Variants in SALL2 observed in about 807,000 individuals in gnomAD.
The protein encoded by SALL2 is spalt like transcription factor 2.
SALL2 carries 32 observed loss-of-function variants against 58.5 expected under a neutral mutation model. The ratio of observed to expected loss-of-function variants is 0.55; its 90% confidence interval spans 0.41 to 0.74. SALL2 has a LOEUF of 0.74. SALL2 is among the 30% of genes least tolerant of loss of function. The probability of loss-of-function intolerance (pLI) is 0.00; values close to 1 mark genes in which losing one functional copy is unlikely to be tolerated. For synonymous variants in SALL2, 516 were observed against 513.6 expected (o/e 1.00, Z -0.06); for missense variants, 1,201 against 1,268.9 (o/e 0.95, Z 0.81).
chr14:21,535,407 G>A (rs1318198867), intron 1 of SALL2, among the ~76,000 whole-genome samples: 1 of 151,902 alleles, frequency 6.6e-6, no homozygotes, highest in Non-Finnish European at 1.5e-5. Flanking sequence ...GCTGACGTTT[G>A]CCAAGAGGTT....
chr14:21,526,237 C>A lies in SALL2; in HGVS notation c.-110G>T. ...CAGCCTCTGCACCCAGCGGCCCAGA[C>A]TGCGGAGATGGAGATCGGCAGCGGC... On this transcript the variant is annotated 5_prime_UTR_variant, in exon 1 of 2. Transcript: ENST00000537235. The A allele has an allele frequency of 2.0e-6, 3 of 1,469,506 alleles. No individual in the cohort carries two copies. The South Asian group carries it at 4.0e-5, about 19-fold the overall frequency. 91.0% of individuals were successfully genotyped at this position (1,469,506 alleles called of 1,614,324 possible). A position where few individuals can be genotyped will look rare whatever the true frequency, so the allele number is the denominator to read the frequency against.
chr14:21,536,880 C>A (rs1204679713), intron 1 of SALL2: 4 of 1,614,166 alleles, frequency 2.5e-6, no homozygotes, highest in Non-Finnish European at 3.4e-6. Context: ...CTTCGCAGTC[C>A]GAGATTAACT....
Position 21,523,501 on chromosome 14 carries a change from A to G in SALL2, c.2221T>C (p.Ser741Pro). ...TGCTGGGGGAAACTCCGTGCCCCGG[A>G]GACTGTAGATTGCTCGGAGCCATTC... ...QENGSEQSTV[S>P]GARSFPQQQS... is the part of the protein sequence containing the mutation. The change falls in exon 2 of 2, where the codon TCC becomes CCC. Residue 741 changes from serine to proline, a missense_variant. Ser to Pro is a moderately conservative substitution (Grantham distance 74, BLOSUM62 -1). This residue lies in a region of SALL2 where 675 missense variants were observed against 683.8 expected (regional missense o/e 0.99). Coordinates refer to ENST00000537235, the MANE Select transcript of SALL2 (RefSeq NM_001364564.1). The surrounding 1 kb of genome is among the most constrained non-coding windows in gnomAD (Gnocchi z 4.4). 6.2e-7 allele frequency: 1 copy of G among 1,614,100 alleles called. No individual in the cohort carries two copies. The highest frequency in any genetic ancestry group is 8.5e-7 in the Non-Finnish European group (1 of 1,180,038).
At chr14:21,535,735 A>C (rs1036054693) in intron 1 of SALL2, among the ~76,000 whole-genome samples, 24 of 152,168 alleles carry the variant, frequency 1.6e-4, no homozygotes, top group African/African-American at 5.6e-4. Flanking sequence ...CCTATACTAT[A>C]CTGTTGGGTG....
chr14:21,524,908 A>C lies in SALL2; in HGVS notation c.814T>G (p.Phe272Val), dbSNP rs1226198383. Reference sequence around the variant, plus strand: ...CCCAGTGGGTGGTAAAGGTGGAAGAAGGCCTGCTTGGGCGTTTCTGCCCCT... The same window carrying C: ...CCCAGTGGGTGGTAAAGGTGGAAGACGGCCTGCTTGGGCGTTTCTGCCCCT... ...SSGAETPKQAFFHLYHPLGSQ... is the reference protein window; with the variant it reads ...SSGAETPKQAVFHLYHPLGSQ... The change falls in exon 2 of 2, where the codon TTC (phenylalanine) becomes GTC (valine). Residue 272 changes from phenylalanine (F) to valine (V), a missense_variant. Phe to Val is a conservative substitution (Grantham distance 50). Coordinates refer to ENST00000537235, the MANE Select transcript of SALL2 (RefSeq NM_001364564.1). The C allele has an allele frequency of 1.2e-6, 2 of 1,614,198 alleles. No homozygotes were observed. The highest frequency in any genetic ancestry group is 2.2e-5 in the East Asian group (1 of 44,880).
chr14:21,521,708 T>A lies in SALL2; in HGVS notation c.*996A>T. On this transcript the variant is annotated 3_prime_UTR_variant, in exon 2 of 2. Transcript: ENST00000537235. ...GTTCATCAACCATGCTGACCAAAAA[T>A]GCTCCTTAAAGATACGAACTTCACA... is the stretch of plus-strand genomic sequence containing the variant. 1 of 317,688 alleles carries A rather than the reference T, an allele frequency of 3.1e-6. No homozygotes were observed. The highest frequency in any genetic ancestry group is 5.9e-6 in the Non-Finnish European group (1 of 169,084). The allele number at this position is 317,688 out of a possible 1,614,324, so 19.7% of individuals were successfully genotyped here. A position where few individuals can be genotyped will look rare whatever the true frequency, so the allele number is the denominator to read the frequency against.
At position 21,526,073 on chromosome 14, in the gene SALL2, C is replaced by T; in HGVS notation, c.55G>A (p.Ala19Thr). The change falls in exon 1 of 2, where the codon GCA becomes ACA. Residue 19 changes from alanine to threonine, a missense_variant. Physicochemically the swap from Ala to Thr is moderately conservative, Grantham distance 58. This residue lies in a region of SALL2 where 467 missense variants were observed against 468.9 expected (regional missense o/e 1.00). Coordinates refer to ENST00000537235, the MANE Select transcript of SALL2 (RefSeq NM_001364564.1). ...GACCCTACCGCACCTCCGAGCTCTG[C>T]CGGCTCCCCGCAGGGCACCCCGAGA... Reference protein sequence around the residue: ...SRLGVPCGEPAELGGDASEED... With the variant: ...SRLGVPCGEPTELGGDASEED... The T allele has an allele frequency of 2.0e-6, 3 of 1,536,012 alleles. No homozygotes were observed. Among genetic ancestry groups the T allele is most frequent in the Non-Finnish European group, 2.6e-6 (3 of 1,146,800 alleles).
In SALL2 at chr14:21,524,339, C is replaced by G; in HGVS notation, c.1383G>C (p.Glu461Asp). 1.2e-6 allele frequency: 2 copies of G among 1,614,000 alleles called. No individual in the cohort carries two copies. Among genetic ancestry groups the G allele is most frequent in the South Asian group, 2.2e-5 (2 of 91,076 alleles). ...GMSVPPEKAEEEAATPGGGVE... is the reference protein window; with the variant it reads ...GMSVPPEKAEDEAATPGGGVE... Reference sequence around the variant, plus strand: ...CCCCTCCACCTGGAGTGGCTGCCTCCTCCTCGGCCTTCTCTGGTGGCACGG... The same window carrying G: ...CCCCTCCACCTGGAGTGGCTGCCTCGTCCTCGGCCTTCTCTGGTGGCACGG... Residue 461 changes from glutamate to aspartate, a missense_variant, in exon 2 of 2, where the codon GAG becomes GAC. Transcript: ENST00000537235.
At chr14:21,535,195 A>G (rs915596629) in intron 1 of SALL2, among the ~76,000 whole-genome samples, 2 of 152,030 alleles carry the variant, frequency 1.3e-5, no homozygotes, top group African/African-American at 4.8e-5. Flanking sequence ...AATACAAAAA[A>G]TTAGCCCGGC....
At chr14:21,533,993 T>C (rs1432222243) in intron 1 of SALL2, among the ~76,000 whole-genome samples, 2 of 152,168 alleles carry the variant, frequency 1.3e-5, no homozygotes, top group East Asian at 1.9e-4. Flanking sequence ...CTGTGGAGCA[T>C]GCTCTGGGGT....
Position 21,522,856 on chromosome 14 carries a change from G to A in SALL2, c.2866C>T (p.His956Tyr), listed in dbSNP as rs747267261. 6 of 1,610,808 alleles carry A rather than the reference G, an allele frequency of 3.7e-6. No individual in the cohort carries two copies. The highest frequency in any genetic ancestry group is 4.2e-6 in the Non-Finnish European group (5 of 1,178,502). Reference protein sequence around the residue: ...GFLERATLKKHMLLAHHQVQP... With the variant: ...GFLERATLKKYMLLAHHQVQP... ...ACCTGGTGGTGTGCCAGGAGCATAT[G>A]CTTCTTGAGGGTAGCCCGCTCAAGA... is the stretch of plus-strand genomic sequence containing the variant. Residue 956 changes from histidine (H) to tyrosine (Y), a missense_variant, in exon 2 of 2, where the codon CAT (histidine) becomes TAT (tyrosine). His to Tyr is a moderately conservative substitution (Grantham distance 83). Around this residue, in one of 3 missense-constraint regions of SALL2, gnomAD observed 675 missense variants for 683.8 expected, o/e 0.99. Coordinates refer to ENST00000537235, the MANE Select transcript of SALL2 (RefSeq NM_001364564.1).
rs375365186 is a variant in SALL2, at chr14:21,523,401, T to C, written c.2321A>G (p.Asp774Gly). The C allele has an allele frequency of 1.9e-5, 30 of 1,613,612 alleles. No homozygotes were observed. Among genetic ancestry groups the C allele is most frequent in the Admixed American group, 1.5e-4 (9 of 59,884 alleles). Residue 774 changes from aspartate to glycine, a missense_variant, in exon 2 of 2, where the codon GAT becomes GGT. Physicochemically the swap from Asp to Gly is moderately conservative, Grantham distance 94. Around this residue, in one of 3 missense-constraint regions of SALL2, gnomAD observed 675 missense variants for 683.8 expected, o/e 0.99. Coordinates refer to ENST00000537235, the MANE Select transcript of SALL2 (RefSeq NM_001364564.1). The surrounding 1 kb of genome is among the most constrained non-coding windows in gnomAD (Gnocchi z 4.4). ...EEEEDEEEEE[D>G]VTDEDSLAGR... is the part of the protein sequence containing the mutation. Reference sequence around the variant, plus strand: ...TGCCAGGGAATCTTCATCAGTCACATCTTCCTCTTCTTCCTCATCCTCCTC... The same window carrying C: ...TGCCAGGGAATCTTCATCAGTCACACCTTCCTCTTCTTCCTCATCCTCCTC...
chr14:21,531,080 A>G (rs1036627046), upstream of SALL2, among the ~76,000 whole-genome samples: 2 of 152,216 alleles, frequency 1.3e-5, no homozygotes, highest in African/African-American at 4.8e-5. Flanking sequence ...ACCCAGACCT[A>G]CTAATGTAAC....
Position 21,522,820 on chromosome 14 carries a change from C to T in SALL2, c.2902G>A (p.Ala968Thr), listed in dbSNP as rs1421442667. 2 of 1,608,534 alleles carry T rather than the reference C, an allele frequency of 1.2e-6. No homozygotes were observed. The highest frequency in any genetic ancestry group is 1.1e-5 in the South Asian group (1 of 90,026). Residue 968 changes from alanine (A) to threonine (T), a missense_variant, in exon 2 of 2, where the codon GCC becomes ACC. Transcript: ENST00000537235. ...GCAATATTCTGAGGGCCATGGGGGG[C>T]AAAGGGCTGTACCTGGTGGTGTGCC... ...LLAHHQVQPFAPHGPQNIAAL... is the reference protein window; with the variant it reads ...LLAHHQVQPFTPHGPQNIAAL...
rs897822141 is a variant in SALL2, at chr14:21,537,080, ACTCTCT to A, written c.-238_-233del. 5 of 602,770 alleles carry A rather than the reference ACTCTCT, an allele frequency of 8.3e-6. No individual in the cohort carries two copies. The East Asian group carries it at 8.7e-5, about 10-fold the overall frequency. The allele number at this position is 602,770 out of a possible 1,614,324, so 37.3% of individuals were successfully genotyped here. Reference sequence around the variant, plus strand: ...ATGTTCTTCTTTCCCAGAGACACAGACTCTCTCTCTCTCTCTGATTCTCTGTTCTTG... The same window carrying A: ...ATGTTCTTCTTTCCCAGAGACACAGACTCTCTCTCTGATTCTCTGTTCTTG... On this transcript the variant is annotated 5_prime_UTR_variant, in exon 1 of 2. Transcript: ENST00000541965.
At chr14:21,536,484 A>T (rs980923171) in intron 1 of SALL2, among the ~76,000 whole-genome samples, 3 of 152,176 alleles carry the variant, frequency 2.0e-5, no homozygotes, top group Non-Finnish European at 4.4e-5. Context: ...AAAAGGGGGG[A>T]AAATCCCACC....
Position 21,525,300 on chromosome 14 carries a change from G to C in SALL2, c.422C>G (p.Ala141Gly), listed in dbSNP as rs1892245286. 1 of 1,612,626 alleles carries C rather than the reference G, an allele frequency of 6.2e-7. No homozygotes were observed. Among genetic ancestry groups the C allele is most frequent in the South Asian group, 1.1e-5 (1 of 90,910 alleles). The change falls in exon 2 of 2, where the codon GCC becomes GGC. Residue 141 changes from alanine to glycine, a missense_variant. By Grantham distance (60) the Ala-to-Gly change is moderately conservative. Coordinates refer to ENST00000537235, the MANE Select transcript of SALL2 (RefSeq NM_001364564.1). This position sits in a 1 kb window ranked among gnomAD's most constrained non-coding sequence, Gnocchi z 4.4. ...TGGGGTTGCTCCCAGCTTGGGACTG[G>C]CCAAGATCAGGCCCCCGCCTCCCCC... ...AAGGGGGLIL[A>G]SPKLGATPLP...
upstream of SALL2, chr14:21,526,572 C>G (rs1243645245): frequency 1.0e-6 from 1 of 988,704 alleles, no homozygotes; most frequent in Non-Finnish European, 1.2e-6. Flanking sequence ...TTTGCCCAGG[C>G]CTACCCTCCT....
chr14:21,527,088 C>G (rs1381261060), upstream of SALL2, among the ~76,000 whole-genome samples: 2 of 152,172 alleles, frequency 1.3e-5, no homozygotes, highest in Non-Finnish European at 2.9e-5. Context: ...TACCCTCTTC[C>G]TCCTCTATTC....
Sources: allele counts gnomAD v4.1 joint callset (sites outside exome capture counted in the v4.1 genomes callset), GRCh38; gene constraint gnomAD v4.1.1; regional missense constraint gnomAD v4.1.1; non-coding constraint Gnocchi (gnomAD v3.1); transcripts MANE v1.5; gene names NCBI Gene and HGNC (gene_info 2026-07-23, HGNC 2026-07-21).